The following ZRANB1 variants were observed in gnomAD, a reference collection of about 807,000 sequenced individuals.
ZRANB1 encodes the protein zinc finger RANBP2-type containing 1.
A neutral mutation model predicts 80.5 loss-of-function variants in ZRANB1; 16 were observed. That is an observed-to-expected ratio of 0.20 (90% CI 0.13 to 0.30). ZRANB1 has a LOEUF of 0.30. ZRANB1 is among the 10% of genes least tolerant of loss of function. The pLI is 1.00. For missense variants in ZRANB1, 576 were observed against 862.6 expected, an observed-to-expected ratio of 0.67 and a Z score of 4.16; for synonymous variants, 291 against 293.1, an observed-to-expected ratio of 0.99 and a Z score of 0.07.
intron 3 of ZRANB1, among the ~76,000 whole-genome samples, chr10:124,972,959 G>T (rs530426774): frequency 9.3e-4 from 142 of 151,916 alleles, no homozygotes; most frequent in African/African-American, 3.1e-3. Flanking sequence ...TAATTTTTTT[G>T]TAGAGATGGA....
the ZRANB1 span, among the ~76,000 whole-genome samples, chr10:124,929,353 T>TC: frequency 6.6e-6 from 1 of 151,754 alleles, no homozygotes; most frequent in Non-Finnish European, 1.5e-5. Context: ...CTTTTTTTTT[T>TC]TTTTGTAACG....
At chr10:124,941,751 A>C (rs574704206), upstream of ZRANB1, among the ~76,000 whole-genome samples, 17 of 152,216 alleles carry the variant, frequency 1.1e-4, no homozygotes, top group Non-Finnish European at 2.4e-4. Context: ...TGGTTATTTC[A>C]GTGACCTTCC....
the ZRANB1 span, among the ~76,000 whole-genome samples, chr10:124,936,720 T>C: frequency 6.6e-6 from 1 of 152,146 alleles, no homozygotes; most frequent in Non-Finnish European, 1.5e-5. Flanking sequence ...TAGTTTGAAG[T>C]TTTTTATTTA....
At chr10:124,982,747 G>A (rs1355843389) in intron 6 of ZRANB1, among the ~76,000 whole-genome samples, 30 of 152,104 alleles carry the variant, frequency 2.0e-4, no homozygotes, top group Non-Finnish European at 7.3e-5. Flanking sequence ...TAGTATTCAC[G>A]AGTTAGTTGA....
intron 2 of ZRANB1, among the ~76,000 whole-genome samples, chr10:124,968,807 G>C (rs1951797323): frequency 6.6e-6 from 1 of 152,198 alleles, no homozygotes; most frequent in African/African-American, 2.4e-5. Context: ...TCCTGAGACA[G>C]TCTGAGGAGT....
chr10:124,934,934 A>T, the ZRANB1 span, among the ~76,000 whole-genome samples: 1 of 152,240 alleles, frequency 6.6e-6, no homozygotes, highest in Non-Finnish European at 1.5e-5. Flanking sequence ...CTGAGATTGG[A>T]GGAAAACCAG....
intron 5 of ZRANB1, among the ~76,000 whole-genome samples, chr10:124,975,569 A>G (rs1019130010): frequency 2.6e-5 from 4 of 152,232 alleles, no homozygotes; most frequent in Non-Finnish European, 5.9e-5. Flanking sequence ...GTGAATGAAT[A>G]GTTCAGTCTT....
intron 2 of ZRANB1, among the ~76,000 whole-genome samples, chr10:124,970,396 C>T (rs778439759): frequency 7.9e-5 from 12 of 152,100 alleles, no homozygotes; most frequent in Non-Finnish European, 1.5e-4. Context: ...GTAGCTGGGA[C>T]TACTGGTGCA....
chr10:124,924,735 C>T, the ZRANB1 span, among the ~76,000 whole-genome samples: 1 of 151,964 alleles, frequency 6.6e-6, no homozygotes, highest in African/African-American at 2.4e-5. Context: ...GGATTTTTTC[C>T]ACTTTTTGGC....
At chr10:124,956,078 A>G (rs1015881078) in intron 1 of ZRANB1, among the ~76,000 whole-genome samples, 1 of 152,358 alleles carries the variant, frequency 6.6e-6, no homozygotes, top group East Asian at 1.9e-4. Context: ...CAGGGTTGCC[A>G]ACTAGTAATG....
upstream of ZRANB1, among the ~76,000 whole-genome samples, chr10:124,938,881 A>G (rs1043570384): frequency 6.6e-6 from 1 of 152,124 alleles, no homozygotes; most frequent in Admixed American, 6.5e-5. Flanking sequence ...TAATTAAAAA[A>G]AAGTTTTTTT....
intron 1 of ZRANB1, among the ~76,000 whole-genome samples, chr10:124,952,042 C>G (rs1951642879): frequency 6.6e-6 from 1 of 152,048 alleles, no homozygotes; most frequent in East Asian, 1.9e-4. Context: ...TTTTAACTTG[C>G]CCATTGACTT....
chr10:124,969,156 C>A (rs1018993766), intron 2 of ZRANB1, among the ~76,000 whole-genome samples: 1 of 152,204 alleles, frequency 6.6e-6, no homozygotes, highest in African/African-American at 2.4e-5. Flanking sequence ...ACAAGTGATC[C>A]AAGAGAGGCA....
upstream of ZRANB1, among the ~76,000 whole-genome samples, chr10:124,939,572 T>A (rs1489476319): frequency 1.2e-4 from 18 of 152,234 alleles, no homozygotes; most frequent in Non-Finnish European, 2.5e-4. Context: ...AACATAAGGT[T>A]ACGGGCTGTT....
chr10:124,964,127 C>T (rs934417780), intron 1 of ZRANB1, among the ~76,000 whole-genome samples: 2 of 152,164 alleles, frequency 1.3e-5, no homozygotes, highest in Admixed American at 1.3e-4. Context: ...TGTATTAGGT[C>T]AAATAGAAAT....
At chr10:124,932,524 C>G in the ZRANB1 span, among the ~76,000 whole-genome samples, 1 of 151,996 alleles carries the variant, frequency 6.6e-6, no homozygotes, top group Non-Finnish European at 1.5e-5. Flanking sequence ...CTCCTGACCT[C>G]AAGTAATCCA....
intron 8 of ZRANB1, 185 bp from the exon 9 acceptor site, chr10:124,984,589 T>C (rs1437739744): frequency 3.5e-6 from 2 of 570,172 alleles, no homozygotes; most frequent in Non-Finnish European, 3.0e-6. Context: ...TATGTCTTTT[T>C]AAATTTAACC....
chr10:124,938,227 A>G (rs1012243526), upstream of ZRANB1, among the ~76,000 whole-genome samples: 6 of 152,202 alleles, frequency 3.9e-5, no homozygotes, highest in Non-Finnish European at 7.3e-5. Context: ...ATTTCTTTGT[A>G]ATACTGCAAA....
chr10:124,971,453 T>C (rs561395848), intron 2 of ZRANB1, among the ~76,000 whole-genome samples: 1 of 152,294 alleles, frequency 6.6e-6, no homozygotes, highest in South Asian at 2.1e-4. Context: ...TGGTAACAAA[T>C]GGAGAGGAAG....
Sources: allele counts gnomAD v4.1 joint callset (sites outside exome capture counted in the v4.1 genomes callset), GRCh38; gene constraint gnomAD v4.1.1; transcripts MANE v1.5; gene names NCBI Gene and HGNC (gene_info 2026-07-23, HGNC 2026-07-21).